Variants in ATAD2 observed in about 807,000 individuals in gnomAD.
ATAD2 encodes ATPase family AAA domain containing 2, also known as ATPase family AAA domain-containing protein 2.
A neutral mutation model predicts 168.9 loss-of-function variants in ATAD2; 62 were observed. That is an observed-to-expected ratio of 0.37 (90% CI 0.30 to 0.45). The LOEUF (loss-of-function observed/expected upper bound fraction) is 0.45. Among genes scored for constraint, ATAD2 ranks in the 20% least tolerant of loss-of-function variants. The pLI, the probability that ATAD2 is intolerant of heterozygous loss-of-function variation, is 1.00. For missense variants in ATAD2, 1,419 were observed against 1,667.8 expected (o/e 0.85, Z 2.60); for synonymous variants, 613 against 571.6 (o/e 1.07, Z -1.03).
intron 1 of ATAD2, among the ~76,000 whole-genome samples, chr8:123,410,008 G>C (rs1224619735): frequency 6.8e-6 from 1 of 147,308 alleles, no homozygotes; most frequent in African/African-American, 2.5e-5. Flanking sequence ...AAAACCTTTT[G>C]TTATTAAAGC....
In ATAD2 at chr8:123,336,470, A is replaced by G; in HGVS notation, c.3114T>C (p.Ile1038=). 6.5e-7 allele frequency: 1 copy of G among 1,528,168 alleles called. No homozygotes were observed. The highest frequency in any genetic ancestry group is 8.7e-7 in the Non-Finnish European group (1 of 1,144,998). The allele number at this position is 1,528,168 out of a possible 1,614,324, so 94.7% of individuals were successfully genotyped here. A position where few individuals can be genotyped will look rare whatever the true frequency, so the allele number is the denominator to read the frequency against. ...TCACAGTCAGATACTTGTGTAGATCAATTTTACTGATTACAGATGAAAGGT... is the reference window on the plus strand; with the variant it reads ...TCACAGTCAGATACTTGTGTAGATCGATTTTACTGATTACAGATGAAAGGT... The part of the protein sequence containing the change: ...PMDLSSVISK[I]DLHKYLTVKD... The change falls in exon 22 of 28, where the codon ATT becomes ATC. Residue 1038 remains isoleucine, a synonymous_variant. Transcript: ENST00000287394.
intron 1 of ATAD2, chr8:123,401,570 C>T: frequency 6.9e-7 from 1 of 1,446,962 alleles, no homozygotes; most frequent in Non-Finnish European, 9.6e-7. Context: ...TCTGCATCAC[C>T]CAGGAAGTGA....
rs576529229 is a variant in ATAD2 at position 123,396,256 on chromosome 8, G to C, written c.102C>G (p.Ile34Met). The change falls in exon 1 of 28, where the codon ATC becomes ATG. Residue 34 changes from isoleucine (I) to methionine (M), a missense_variant. Transcript: ENST00000287394. ...LSSDFLSLEH[I>M]GRRRLRSAGA... Reference sequence around the variant, plus strand: ...CGGCCGAGCGGAGCCGCCTCCGGCCGATGTGCTCCAGACTGAGGAAGTCAC... The same window carrying C: ...CGGCCGAGCGGAGCCGCCTCCGGCCCATGTGCTCCAGACTGAGGAAGTCAC... 6.2e-7 allele frequency: 1 copy of C among 1,610,020 alleles called. No individual in the cohort carries two copies. The highest frequency in any genetic ancestry group is 8.5e-7 in the Non-Finnish European group (1 of 1,179,370).
chr8:123,396,076 G>T (rs973166946), intron 1 of ATAD2, 111 bp downstream of exon 1: 28 of 1,239,820 alleles, frequency 2.3e-5, no homozygotes, highest in Non-Finnish European at 2.8e-5. Flanking sequence ...CTTCTCCCCC[G>T]ACAACTGTCA....
chr8:123,416,196 G>C (rs1586918287), intron 1 of ATAD2: 1 of 152,394 alleles, frequency 6.6e-6, no homozygotes, highest in South Asian at 2.0e-4. Flanking sequence ...TCCAGGCTGA[G>C]TGCAGAAGCG....
chr8:123,334,372 A>C (rs1300678834), intron 22 of ATAD2, 50 bp from the exon 23 acceptor site: 1 of 1,434,546 alleles, frequency 7.0e-7, no homozygotes, highest in Non-Finnish European at 9.2e-7. Flanking sequence ...TTTTAATAAT[A>C]TACCAAAAAT....
At chr8:123,359,089 G>A (rs1313233988) in intron 11 of ATAD2, 132 bp downstream of exon 11, 3 of 581,844 alleles carry the variant, frequency 5.2e-6, no homozygotes, top group Non-Finnish European at 8.8e-6. Context: ...GTGATTCAGA[G>A]AGAAAAGTTG....
chr8:123,356,545 C>T, intron 12 of ATAD2, 68 bp from the exon 13 acceptor site: 1 of 1,016,684 alleles, frequency 9.8e-7, no homozygotes, highest in Non-Finnish European at 1.4e-6. Flanking sequence ...TAATATAAAC[C>T]ATTTTAATAA....
At chr8:123,370,136 T>C in intron 6 of ATAD2, 112 bp from the exon 7 acceptor site, 2 of 623,814 alleles carry the variant, frequency 3.2e-6, no homozygotes, top group South Asian at 2.9e-5. Context: ...TATCTACTCC[T>C]AAAAAAAAAA....
rs542533131 is a variant in ATAD2 at position 123,396,381 on chromosome 8, G to C, written c.-24C>G. ...ATCTTCTCTCCCTACTGGCCTCGGC[G>C]TGCGCGACCGGAGAGAGATCCAGCT... On this transcript the variant is annotated 5_prime_UTR_variant, in exon 1 of 28. Transcript: ENST00000287394. 4.5e-5 allele frequency: 70 copies of C among 1,542,898 alleles called. No individual in the cohort carries two copies. Among genetic ancestry groups the C allele is most frequent in the Non-Finnish European group, 1.7e-5 (20 of 1,145,636 alleles).
At position 123,328,153 on chromosome 8, in the gene ATAD2, T is replaced by TA. The variant is rs762247864; in HGVS notation, c.3868+36dup. Reference sequence around the variant, plus strand: ...TGTTTAGAAACTTTGAAATATCTTTTAAAATCAGTAAATTATTTTAATTGA... The same window carrying TA: ...TGTTTAGAAACTTTGAAATATCTTTTAAAAATCAGTAAATTATTTTAATTGA... On this transcript the variant is annotated intron_variant, in intron 25 of 27. Coordinates refer to ENST00000287394, the MANE Select transcript of ATAD2 (RefSeq NM_014109.4). 32 of 1,339,552 alleles carry TA rather than the reference T, an allele frequency of 2.4e-5. No individual in the cohort carries two copies. In the Middle Eastern group the frequency reaches 8.5e-4, roughly 35 times the overall value. The allele number at this position is 1,339,552 out of a possible 1,614,324, so 83.0% of individuals were successfully genotyped here.
chr8:123,381,377 T>C (rs1292436641), intron 1 of ATAD2, among the ~76,000 whole-genome samples: 1 of 152,106 alleles, frequency 6.6e-6, no homozygotes, highest in African/African-American at 2.4e-5. Flanking sequence ...GGAGCACACC[T>C]GTGGTCCCAG....
intron 1 of ATAD2, 46 bp downstream of exon 1, chr8:123,396,140 GT>G: frequency 6.7e-7 from 1 of 1,501,606 alleles, no homozygotes; most frequent in Non-Finnish European, 8.8e-7. Context: ...GCTGCCGGCA[GT>G]CCCCCCGGGA....
chr8:123,408,969 A>G (rs1366614842), intron 1 of ATAD2, among the ~76,000 whole-genome samples: 1 of 151,946 alleles, frequency 6.6e-6, no homozygotes, highest in Non-Finnish European at 1.5e-5. Context: ...CTGGGACTAC[A>G]GGCGCGTGCC....
chr8:123,336,544 G>A lies in ATAD2; in HGVS notation c.3052-12C>T. ...ACATAATCAGGAACCTAAAATTCAA[G>A]CAAATGATCAAATCACAAAATTAAC... On this transcript the variant is annotated splice_polypyrimidine_tract_variant and intron_variant, in intron 21 of 27. Transcript: ENST00000287394. The A allele has an allele frequency of 1.3e-6, 2 of 1,487,002 alleles. No individual in the cohort carries two copies. The highest frequency in any genetic ancestry group is 1.8e-6 in the Non-Finnish European group (2 of 1,123,146). 92.1% of individuals were successfully genotyped at this position (1,487,002 alleles called of 1,614,324 possible).
intron 2 of ATAD2, among the ~76,000 whole-genome samples, chr8:123,373,520 A>T (rs770564691): frequency 6.6e-6 from 1 of 152,054 alleles, no homozygotes. Flanking sequence ...CAGGCACAGT[A>T]GTTCACACCT....
intron 1 of ATAD2, among the ~76,000 whole-genome samples, chr8:123,381,925 A>C (rs1829505042): frequency 6.6e-6 from 1 of 152,072 alleles, no homozygotes; most frequent in Non-Finnish European, 1.5e-5. Context: ...GCGTGCATGT[A>C]ATCCCAGCTA....
In ATAD2 at chr8:123,367,648, G is replaced by C. The variant is rs532171819; in HGVS notation, c.1049+1410C>G. 2.0e-5 allele frequency among the ~76,000 whole-genome samples: 3 copies of C among 152,226 alleles called. No homozygotes were observed. In the East Asian group the frequency reaches 5.8e-4, roughly 29 times the overall value. On this transcript the variant is annotated intron_variant, in intron 8 of 27. Transcript: ENST00000287394. ...TCTTTACATTCTAAGGGGCCTGTGA[G>C]AATACTGATGTGCAGCCTCCTTTCA...
At chr8:123,390,393 C>T (rs1285578779) in intron 1 of ATAD2, among the ~76,000 whole-genome samples, 1 of 152,182 alleles carries the variant, frequency 6.6e-6, no homozygotes, top group Non-Finnish European at 1.5e-5. Flanking sequence ...CTGTCTCCCA[C>T]ATAAAGCTGT....
Sources: allele counts gnomAD v4.1 joint callset (sites outside exome capture counted in the v4.1 genomes callset), GRCh38; gene constraint gnomAD v4.1.1; transcripts MANE v1.5; gene names NCBI Gene and HGNC (gene_info 2026-07-23, HGNC 2026-07-21).